Variants in GABRB1 observed in about 807,000 individuals in gnomAD.
GABRB1 encodes gamma-aminobutyric acid type A receptor subunit beta1, also known as gamma-aminobutyric acid receptor subunit beta-1.
A neutral mutation model predicts 51.6 loss-of-function variants in GABRB1; 17 were observed. That is an observed-to-expected ratio of 0.33 (90% CI 0.23 to 0.49). GABRB1 has a LOEUF of 0.49. Among genes scored for constraint, GABRB1 ranks in the 20% least tolerant of loss-of-function variants. The pLI is 0.99. For synonymous variants in GABRB1, 247 were observed against 218.9 expected, an observed-to-expected ratio of 1.13 and a Z score of -1.14; for missense variants, 410 against 600.6, an observed-to-expected ratio of 0.68 and a Z score of 3.32.
At chr4:47,349,987 T>C (rs1158250695) in intron 5 of GABRB1, among the ~76,000 whole-genome samples, 1 of 152,056 alleles carries the variant, frequency 6.6e-6, no homozygotes, top group South Asian at 2.1e-4. Context: ...ATTTTCTGAC[T>C]TTATTTCCAT....
intron 4 of GABRB1, among the ~76,000 whole-genome samples, chr4:47,163,609 TGGGTTTAACAGAA>T (rs1372213442): frequency 1.3e-5 from 2 of 152,006 alleles, no homozygotes; most frequent in Non-Finnish European, 2.9e-5. Context: ...ATTTGGGTGA[TGGGTTTAACAGAA>T]GCCCAAACCT....
chr4:47,111,292 G>A (rs1353412529), intron 3 of GABRB1, among the ~76,000 whole-genome samples: 1 of 151,766 alleles, frequency 6.6e-6, no homozygotes, highest in Non-Finnish European at 1.5e-5. Flanking sequence ...TCCAAACTGG[G>A]GTTTGTGTCC....
intron 5 of GABRB1, among the ~76,000 whole-genome samples, chr4:47,364,002 G>A (rs1726892786): frequency 6.6e-6 from 1 of 152,166 alleles, no homozygotes; most frequent in South Asian, 2.1e-4. Flanking sequence ...AAGATCAAGG[G>A]AGGAAAGAAA....
At chr4:47,159,182 C>T (rs1037559018) in intron 3 of GABRB1, among the ~76,000 whole-genome samples, 4 of 151,712 alleles carry the variant, frequency 2.6e-5, no homozygotes, top group African/African-American at 9.7e-5. Context: ...ACTTGAAAGG[C>T]TGAAAGATAG....
At chr4:47,228,479 G>T (rs1721028756) in intron 4 of GABRB1, among the ~76,000 whole-genome samples, 1 of 152,066 alleles carries the variant, frequency 6.6e-6, no homozygotes, top group African/African-American at 2.4e-5. Context: ...GGTGAGAAAT[G>T]CAAGATGTAA....
rs2109342397 is a variant in GABRB1 at position 47,426,271 on chromosome 4, A to G, written c.*253A>G. On this transcript the variant is annotated 3_prime_UTR_variant, in exon 9 of 9. Transcript: ENST00000295454. ...AAGAGCTCTATTAATTGCCATGTTT[A>G]CAAACAAACACAAAGAGAGAAGTTA... The G allele has an allele frequency of 3.3e-6, 1 of 306,362 alleles. No homozygotes were observed. The highest frequency in any genetic ancestry group is 6.0e-6 in the Non-Finnish European group (1 of 167,872). 19.0% of individuals were successfully genotyped at this position (306,362 alleles called of 1,614,324 possible).
intron 3 of GABRB1, among the ~76,000 whole-genome samples, chr4:47,137,039 C>T (rs955999420): frequency 2.6e-5 from 4 of 151,942 alleles, no homozygotes; most frequent in East Asian, 1.9e-4. Flanking sequence ...TATGAAAATG[C>T]GGAAAGGGCG....
At chr4:47,035,447 A>G (rs1447918205) in intron 3 of GABRB1, among the ~76,000 whole-genome samples, 3 of 152,142 alleles carry the variant, frequency 2.0e-5, no homozygotes, top group Non-Finnish European at 2.9e-5. Context: ...TGAGAACAAG[A>G]CTTTTCAGGC....
At chr4:47,017,249 G>A (rs566385026) in intron 1 of GABRB1, among the ~76,000 whole-genome samples, 38 of 152,266 alleles carry the variant, frequency 2.5e-4, no homozygotes, top group Middle Eastern at 3.4e-3. Context: ...CAAGTCTAAA[G>A]GATTGCTTGG....
At chr4:47,261,280 T>C (rs1231775172) in intron 4 of GABRB1, among the ~76,000 whole-genome samples, 1 of 152,144 alleles carries the variant, frequency 6.6e-6, no homozygotes, top group Non-Finnish European at 1.5e-5. Context: ...GATGACATGA[T>C]TGTATATCTA....
intron 3 of GABRB1, among the ~76,000 whole-genome samples, chr4:47,135,337 A>G (rs1260999379): frequency 6.6e-6 from 1 of 152,128 alleles, no homozygotes; most frequent in Non-Finnish European, 1.5e-5. Flanking sequence ...TATAAAGATC[A>G]GTGCTATTGA....
intron 5 of GABRB1, among the ~76,000 whole-genome samples, chr4:47,357,859 A>G (rs1330278483): frequency 2.6e-5 from 4 of 152,084 alleles, no homozygotes; most frequent in Admixed American, 6.6e-5. Flanking sequence ...ACTCCTTTCT[A>G]CTCAAACTAG....
At chr4:47,137,076 A>G (rs1577941541) in intron 3 of GABRB1, among the ~76,000 whole-genome samples, 2 of 152,254 alleles carry the variant, frequency 1.3e-5, no homozygotes, top group African/African-American at 2.4e-5. Context: ...TACCCTGAAC[A>G]TTGATTTATA....
At chr4:47,303,015 T>C (rs4518219) in intron 4 of GABRB1, among the ~76,000 whole-genome samples, 32,304 of 151,996 alleles carry the variant, frequency 0.21, 4,395 homozygotes, top group Middle Eastern at 0.39. Context: ...TGCTCACATG[T>C]TCTTTATGAA....
chr4:46,995,402 C>T (rs1342949267), intron 1 of GABRB1, among the ~76,000 whole-genome samples: 1 of 152,114 alleles, frequency 6.6e-6, no homozygotes, highest in African/African-American at 2.4e-5. Context: ...CTCTGTTGCC[C>T]AGGCTGGAGA....
intron 8 of GABRB1, among the ~76,000 whole-genome samples, chr4:47,417,270 GTTTT>G (rs552265618): frequency 3.6e-4 from 54 of 151,416 alleles, no homozygotes; most frequent in African/African-American, 1.3e-3. Flanking sequence ...CCTTATTTTT[GTTTT>G]TTGTTTTTTT....
At chr4:47,290,194 G>A (rs1723669249) in intron 4 of GABRB1, among the ~76,000 whole-genome samples, 1 of 152,194 alleles carries the variant, frequency 6.6e-6, no homozygotes, top group Admixed American at 6.5e-5. Context: ...GTTGTGGAAG[G>A]CACCCAGTGG....
At chr4:47,004,194 G>A (rs776510709) in intron 1 of GABRB1, among the ~76,000 whole-genome samples, 7 of 152,134 alleles carry the variant, frequency 4.6e-5, no homozygotes, top group Admixed American at 2.6e-4. Context: ...TCACCATGTT[G>A]GCCAGGTTGG....
At chr4:47,090,627 CCTTT>C (rs1728252232) in intron 3 of GABRB1, among the ~76,000 whole-genome samples, 1 of 152,166 alleles carries the variant, frequency 6.6e-6, no homozygotes, top group African/African-American at 2.4e-5. Flanking sequence ...TTAATCTGAT[CCTTT>C]CTATTGATCT....
Sources: gnomAD v4.1 joint callset for allele counts (sites outside exome capture counted in the v4.1 genomes callset) on GRCh38, gnomAD v4.1.1 for gene constraint, MANE v1.5 for transcripts, NCBI Gene and HGNC (gene_info 2026-07-23, HGNC 2026-07-21) for gene names.